Variants in LIN52 observed in about 807,000 individuals in gnomAD.
The protein encoded by LIN52 is protein lin-52 homolog.
In LIN52, 4 loss-of-function variants were observed where a neutral mutation model predicts 18.5. The ratio of observed to expected loss-of-function variants is 0.22; its 90% confidence interval spans 0.11 to 0.49. LIN52 has a LOEUF of 0.49. Ranked by LOEUF, LIN52 falls within the 20% of genes least tolerant of loss-of-function variation. The pLI is 0.97. For missense variants in LIN52, 102 were observed against 139.5 expected, an observed-to-expected ratio of 0.73 and a Z score of 1.35; for synonymous variants, 34 against 45.5, an observed-to-expected ratio of 0.75 and a Z score of 1.02.
intron 5 of LIN52, among the ~76,000 whole-genome samples, chr14:74,146,520 C>A (rs552086445): frequency 3.3e-4 from 50 of 152,184 alleles, no homozygotes; most frequent in African/African-American, 1.1e-3. Flanking sequence ...CAGATAAACT[C>A]CTGTGTTACA....
At chr14:74,166,354 T>A (rs1245158281) in intron 5 of LIN52, among the ~76,000 whole-genome samples, 1 of 151,918 alleles carries the variant, frequency 6.6e-6, no homozygotes, top group African/African-American at 2.4e-5. Context: ...GTAGCTGGGA[T>A]TATAGACATG....
chr14:74,090,529 G>T (rs2060766791), intron 1 of LIN52, among the ~76,000 whole-genome samples: 1 of 150,970 alleles, frequency 6.6e-6, no homozygotes, highest in African/African-American at 2.4e-5. Flanking sequence ...TAGAGACAGG[G>T]TTTCACCACG....
At chr14:74,182,859 CAAAGTG>C (rs1333682106) in intron 5 of LIN52, among the ~76,000 whole-genome samples, 2 of 152,044 alleles carry the variant, frequency 1.3e-5, no homozygotes, top group African/African-American at 4.8e-5. Flanking sequence ...GTTTTATGGG[CAAAGTG>C]AAAATTGTAT....
Position 74,199,215 on chromosome 14 carries a change from T to A in LIN52, c.*238T>A. ...ATCAACTTTCAGACTTGAACCTTCT[T>A]AGCCTCGGATATTGGTAACAGCTGA... On this transcript the variant is annotated 3_prime_UTR_variant, in exon 6 of 6. Transcript: ENST00000555028. 1 of 407,038 alleles carries A rather than the reference T, an allele frequency of 2.5e-6. No homozygotes were observed. Among genetic ancestry groups the A allele is most frequent in the East Asian group, 3.8e-5 (1 of 26,550 alleles). 25.2% of individuals were successfully genotyped at this position (407,038 alleles called of 1,614,324 possible). A position where few individuals can be genotyped will look rare whatever the true frequency, so the allele number is the denominator to read the frequency against.
intron 5 of LIN52, among the ~76,000 whole-genome samples, chr14:74,101,808 A>G (rs561142883): frequency 2.0e-5 from 3 of 152,098 alleles, no homozygotes; most frequent in African/African-American, 7.2e-5. Context: ...TCAGGTTATT[A>G]TCTCATTTTT....
chr14:74,173,217 C>T (rs1351233691), intron 5 of LIN52, among the ~76,000 whole-genome samples: 30 of 152,060 alleles, frequency 2.0e-4, no homozygotes, highest in Admixed American at 1.8e-3. Context: ...GACAGAGTTT[C>T]GCTCTTGTTG....
intron 5 of LIN52, among the ~76,000 whole-genome samples, chr14:74,167,291 A>T (rs562203018): frequency 6.6e-6 from 1 of 152,086 alleles, no homozygotes; most frequent in Non-Finnish European, 1.5e-5. Context: ...ATCACATGTT[A>T]TTTTATCTAA....
At chr14:74,088,214 T>G (rs1446946706) in intron 1 of LIN52, among the ~76,000 whole-genome samples, 1 of 152,058 alleles carries the variant, frequency 6.6e-6, no homozygotes, top group Non-Finnish European at 1.5e-5. Flanking sequence ...CATCAGCCTC[T>G]CCAGTAGCTG....
chr14:74,196,172 G>T (rs562861930), intron 5 of LIN52, among the ~76,000 whole-genome samples: 2 of 152,286 alleles, frequency 1.3e-5, no homozygotes, highest in Non-Finnish European at 2.9e-5. Context: ...TAGGTTGAAG[G>T]GGGAGGAATG....
chr14:74,171,018 CAA>C (rs11424527), intron 5 of LIN52, among the ~76,000 whole-genome samples: 54 of 123,528 alleles, frequency 4.4e-4, no homozygotes, highest in African/African-American at 7.0e-4. Flanking sequence ...CCGTCTGTAC[CAA>C]AAAAAAAAAA....
At chr14:74,115,913 T>C (rs2060961597) in intron 5 of LIN52, among the ~76,000 whole-genome samples, 1 of 152,192 alleles carries the variant, frequency 6.6e-6, no homozygotes, top group African/African-American at 2.4e-5. Context: ...TGATTTTTTG[T>C]AGGGGAAGGG....
At chr14:74,138,409 G>A (rs1037956327) in intron 5 of LIN52, among the ~76,000 whole-genome samples, 5 of 152,196 alleles carry the variant, frequency 3.3e-5, no homozygotes, top group African/African-American at 1.2e-4. Context: ...GTGATTTCAA[G>A]ATTTTAAGCC....
chr14:74,101,314 C>A, intron 5 of LIN52, 76 bp downstream of exon 5: 1 of 890,264 alleles, frequency 1.1e-6, no homozygotes. Context: ...CTCAGGTATT[C>A]CACCCTGAGC....
chr14:74,096,388 T>C (rs1203028561), intron 3 of LIN52, among the ~76,000 whole-genome samples: 1 of 152,084 alleles, frequency 6.6e-6, no homozygotes, highest in African/African-American at 2.4e-5. Flanking sequence ...AGAAGAGGTC[T>C]CACTATATTT....
At chr14:74,120,523 G>A (rs2060992917) in intron 5 of LIN52, among the ~76,000 whole-genome samples, 1 of 152,064 alleles carries the variant, frequency 6.6e-6, no homozygotes, top group South Asian at 2.1e-4. Flanking sequence ...GGGAGGCCGA[G>A]GTGGGCAGAT....
chr14:74,150,251 C>T (rs2061170891), intron 5 of LIN52, among the ~76,000 whole-genome samples: 1 of 152,042 alleles, frequency 6.6e-6, no homozygotes, highest in Admixed American at 6.5e-5. Context: ...TTGACCCAAA[C>T]TAGAAACAAC....
chr14:74,171,856 A>G (rs2061272933), intron 5 of LIN52, among the ~76,000 whole-genome samples: 1 of 149,758 alleles, frequency 6.7e-6, no homozygotes, highest in Non-Finnish European at 1.5e-5. Flanking sequence ...CTCCTGCCAC[A>G]GCCTCCCAAG....
chr14:74,141,539 C>G (rs1023401449), intron 5 of LIN52, among the ~76,000 whole-genome samples: 1 of 152,180 alleles, frequency 6.6e-6, no homozygotes, highest in African/African-American at 2.4e-5. Context: ...TTCCATAGTT[C>G]AAACTCTGCT....
chr14:74,175,219 G>T (rs1339275160), intron 5 of LIN52, among the ~76,000 whole-genome samples: 1 of 151,698 alleles, frequency 6.6e-6, no homozygotes, highest in Non-Finnish European at 1.5e-5. Flanking sequence ...ATGTTTCTTT[G>T]ATAATAAATT....
Sources: allele counts gnomAD v4.1 joint callset (sites outside exome capture counted in the v4.1 genomes callset), GRCh38; gene constraint gnomAD v4.1.1; transcripts MANE v1.5; gene names NCBI Gene and HGNC (gene_info 2026-07-23, HGNC 2026-07-21).